Variants in PRKG1 observed in about 807,000 individuals in gnomAD.
PRKG1 encodes the protein cGMP-dependent protein kinase 1.
Under a neutral mutation model 88.1 loss-of-function variants are expected in PRKG1, and 35 were observed. The ratio of observed to expected loss-of-function variants is 0.40; its 90% CI spans 0.30 to 0.53. The LOEUF (loss-of-function observed/expected upper bound fraction) is 0.53, where lower values mean the gene tolerates loss of function less well. Among genes scored for constraint, PRKG1 ranks in the 20% least tolerant of loss-of-function variants. The probability of loss-of-function intolerance (pLI) is 0.59; values close to 1 mark genes in which losing one functional copy is unlikely to be tolerated. For synonymous variants in PRKG1, 303 were observed against 292.5 expected (o/e 1.04, Z -0.37); for missense variants, 540 against 839.8 (o/e 0.64, Z 4.41).
At chr10:51,749,334 G>C (rs1253404649) in intron 3 of PRKG1, among the ~76,000 whole-genome samples, 3 of 152,166 alleles carry the variant, frequency 2.0e-5, no homozygotes, top group Non-Finnish European at 4.4e-5. Flanking sequence ...TCTGAAGCTG[G>C]AAGTCTGAGA....
At chr10:51,154,217 A>G (rs748680444) in intron 2 of PRKG1, among the ~76,000 whole-genome samples, 5 of 151,926 alleles carry the variant, frequency 3.3e-5, no homozygotes, top group Non-Finnish European at 7.4e-5. Flanking sequence ...CACCTAACCA[A>G]TTTGTAAAAA....
intron 7 of PRKG1, among the ~76,000 whole-genome samples, chr10:52,072,536 T>C (rs1481163390): frequency 1.3e-5 from 2 of 152,194 alleles, no homozygotes; most frequent in Non-Finnish European, 2.9e-5. Flanking sequence ...AACTTAGCTG[T>C]CACACAAGTA....
Position 51,794,454 on chromosome 10 carries a change from C to T in PRKG1, c.593-10131C>T, listed in dbSNP as rs184524992. ...TTAGCATAGATTACATGTTAGGCCA[C>T]AAAATTAATTTTAACAAATTTTAGA... On this transcript the variant is annotated intron_variant, in intron 3 of 17. Transcript: ENST00000373980. Among the ~76,000 whole-genome samples the T allele has an allele frequency of 6.7e-4, 102 of 152,164 alleles. No individual in the cohort carries two copies. In the East Asian group the frequency reaches 0.018, roughly 27 times the overall value.
At chr10:51,771,660 G>A (rs1189209306) in intron 3 of PRKG1, among the ~76,000 whole-genome samples, 1 of 152,146 alleles carries the variant, frequency 6.6e-6, no homozygotes, top group South Asian at 2.1e-4. Context: ...AGCTATGCAA[G>A]TATTGAATTT....
intron 4 of PRKG1, among the ~76,000 whole-genome samples, chr10:51,896,289 TG>T (rs532282462): frequency 9.0e-4 from 137 of 152,324 alleles, no homozygotes; most frequent in African/African-American, 3.2e-3. Flanking sequence ...ATCATAATTG[TG>T]GTAGCTGCTG....
intron 4 of PRKG1, among the ~76,000 whole-genome samples, chr10:51,812,274 C>A (rs12269616): frequency 6.6e-6 from 1 of 152,106 alleles, no homozygotes; most frequent in Non-Finnish European, 1.5e-5. Context: ...AGTGTTTTTT[C>A]TGCAAAAAGT....
chr10:51,259,192 G>A (rs769752003), intron 2 of PRKG1, among the ~76,000 whole-genome samples: 7 of 152,082 alleles, frequency 4.6e-5, no homozygotes, highest in South Asian at 2.1e-4. Flanking sequence ...ACACATATAC[G>A]TATATGCATA....
At chr10:51,705,979 G>C (rs1266112308) in intron 3 of PRKG1, among the ~76,000 whole-genome samples, 1 of 152,126 alleles carries the variant, frequency 6.6e-6, no homozygotes, top group East Asian at 1.9e-4. Context: ...CATCTCCCTT[G>C]GCATTTTTCC....
chr10:52,051,448 A>G (rs975796445), intron 5 of PRKG1, among the ~76,000 whole-genome samples: 1 of 152,144 alleles, frequency 6.6e-6, no homozygotes, highest in Non-Finnish European at 1.5e-5. Context: ...TGTCTCCCAG[A>G]CTGTGCTCTC....
Position 51,598,448 on chromosome 10 carries a change from A to T in PRKG1, c.592+130612A>T, listed in dbSNP as rs961749706. Among the ~76,000 whole-genome samples, 11 of 152,122 alleles carry T rather than the reference A, an allele frequency of 7.2e-5. No homozygotes were observed. The East Asian group carries it at 2.1e-3, about 29-fold the overall frequency. ...GCCACCATACCTGGTTAATTTTTGT[A>T]TTTTTAGTAGAGATAGCATTTTGCC... On this transcript the variant is annotated intron_variant, in intron 3 of 17. Coordinates refer to ENST00000373980, the MANE Select transcript of PRKG1 (RefSeq NM_006258.4).
At chr10:51,754,002 T>C (rs1272611051) in intron 3 of PRKG1, among the ~76,000 whole-genome samples, 1 of 152,160 alleles carries the variant, frequency 6.6e-6, no homozygotes, top group Non-Finnish European at 1.5e-5. Flanking sequence ...CTAGGATCAC[T>C]GTAACATGGA....
intron 4 of PRKG1, among the ~76,000 whole-genome samples, chr10:51,825,828 G>A (rs968820577): frequency 2.0e-5 from 3 of 152,146 alleles, no homozygotes; most frequent in Non-Finnish European, 2.9e-5. Context: ...AGGGCAGAGA[G>A]GGTCAGTCAT....
chr10:51,606,426 T>C (rs1319752418), intron 3 of PRKG1, among the ~76,000 whole-genome samples: 2 of 152,144 alleles, frequency 1.3e-5, no homozygotes, highest in Non-Finnish European at 2.9e-5. Context: ...TAGAAATAAA[T>C]GAGAAGTATG....
chr10:51,903,654 A>G (rs1406584893), intron 4 of PRKG1, among the ~76,000 whole-genome samples: 2 of 152,178 alleles, frequency 1.3e-5, no homozygotes, highest in Admixed American at 6.6e-5. Context: ...GCTTTATAAT[A>G]AAATGTTTGG....
chr10:51,500,905 A>G (rs1380851337), intron 3 of PRKG1, among the ~76,000 whole-genome samples: 1 of 152,220 alleles, frequency 6.6e-6, no homozygotes, highest in East Asian at 1.9e-4. Context: ...GTGACTGTCC[A>G]TTGATTTATT....
intron 5 of PRKG1, among the ~76,000 whole-genome samples, chr10:52,052,629 G>C (rs1172701975): frequency 2.0e-5 from 3 of 151,896 alleles, no homozygotes; most frequent in African/African-American, 4.8e-5. Context: ...AAGGCAAAAG[G>C]CACTCTTACA....
intron 12 of PRKG1, among the ~76,000 whole-genome samples, chr10:52,279,234 C>A (rs1165167181): frequency 6.6e-6 from 1 of 152,158 alleles, no homozygotes; most frequent in Non-Finnish European, 1.5e-5. Flanking sequence ...CCAAAGATAT[C>A]TCCAAGTCAG....
intron 2 of PRKG1, among the ~76,000 whole-genome samples, chr10:51,241,307 C>CA (rs546906226): frequency 0.086 from 11,786 of 136,636 alleles, 618 homozygotes; most frequent in African/African-American, 0.16. Flanking sequence ...TGCTCCAATC[C>CA]AAAAAAAAAA....
intron 1 of PRKG1, among the ~76,000 whole-genome samples, chr10:51,053,870 T>G (rs1341897972): frequency 2.0e-5 from 3 of 151,984 alleles, no homozygotes; most frequent in Admixed American, 6.6e-5. Context: ...TATTGGCAAC[T>G]GACTCTTCTC....
Sources: allele counts gnomAD v4.1 joint callset (sites outside exome capture counted in the v4.1 genomes callset), GRCh38; gene constraint gnomAD v4.1.1; transcripts MANE v1.5; gene names NCBI Gene and HGNC (gene_info 2026-07-23, HGNC 2026-07-21).